The following PTPRM variants were observed in gnomAD, a reference collection of about 807,000 sequenced individuals.
PTPRM encodes the protein protein tyrosine phosphatase receptor type M, also known as receptor-type tyrosine-protein phosphatase mu.
PTPRM carries 47 observed loss-of-function variants against 186.7 expected under a neutral mutation model. That is an observed-to-expected ratio of 0.25 (90% CI 0.20 to 0.32). PTPRM has a LOEUF of 0.32. Ranked by LOEUF, PTPRM falls within the 10% of genes least tolerant of loss-of-function variation. PTPRM has a pLI of 1.00. For synonymous variants in PTPRM, 668 were observed against 674.9 expected (o/e 0.99, Z 0.16); for missense variants, 1,494 against 1,865.0 (o/e 0.80, Z 3.66).
At chr18:7,778,472 A>G (rs955304550) in intron 2 of PTPRM, among the ~76,000 whole-genome samples, 8 of 151,192 alleles carry the variant, frequency 5.3e-5, no homozygotes, top group Non-Finnish European at 8.9e-5. Flanking sequence ...TTTTCTTTTT[A>G]TTTTTTTGAG....
At chr18:7,801,208 CACTT>C (rs754232342) in intron 2 of PTPRM, among the ~76,000 whole-genome samples, 8 of 145,092 alleles carry the variant, frequency 5.5e-5, no homozygotes, top group Non-Finnish European at 9.1e-5. Flanking sequence ...TTTGTAATAA[CACTT>C]AGCTTAAAAC....
intron 14 of PTPRM, among the ~76,000 whole-genome samples, chr18:8,159,056 A>T (rs1424111675): frequency 1.3e-5 from 2 of 152,134 alleles, no homozygotes; most frequent in African/African-American, 4.8e-5. Flanking sequence ...ATAAATCTAA[A>T]TTTCTTTTTA....
intron 2 of PTPRM, among the ~76,000 whole-genome samples, chr18:7,849,224 A>G (rs2046747004): frequency 6.6e-6 from 1 of 152,206 alleles, no homozygotes; most frequent in Non-Finnish European, 1.5e-5. Flanking sequence ...TCCTATGTCT[A>G]TGACTGCAGG....
intron 8 of PTPRM, among the ~76,000 whole-genome samples, chr18:8,074,772 T>C (rs1368586370): frequency 2.6e-5 from 4 of 152,208 alleles, no homozygotes; most frequent in Non-Finnish European, 5.9e-5. Context: ...TTATTGGGTT[T>C]TAATATTGTT....
At chr18:7,774,812 A>G (rs1170360925) in intron 2 of PTPRM, among the ~76,000 whole-genome samples, 3 of 152,252 alleles carry the variant, frequency 2.0e-5, no homozygotes, top group African/African-American at 7.2e-5. Flanking sequence ...GATGTGTTCC[A>G]CTGAACACCA....
chr18:8,024,077 G>A (rs2085406388), intron 7 of PTPRM, among the ~76,000 whole-genome samples: 1 of 152,046 alleles, frequency 6.6e-6, no homozygotes, highest in Admixed American at 6.6e-5. Context: ...AAACACGGAA[G>A]GTGCTATACT....
chr18:8,256,041 A>C (rs759289973), intron 19 of PTPRM, among the ~76,000 whole-genome samples: 12 of 152,182 alleles, frequency 7.9e-5, no homozygotes, highest in Non-Finnish European at 1.5e-4. Flanking sequence ...TTCTCATGAG[A>C]ATCTGGCAAA....
chr18:7,745,439 G>C (rs1479063754), intron 1 of PTPRM, among the ~76,000 whole-genome samples: 1 of 152,198 alleles, frequency 6.6e-6, no homozygotes, highest in Non-Finnish European at 1.5e-5. Flanking sequence ...TCAAAGAGCA[G>C]AGCTCTCAGA....
intron 1 of PTPRM, among the ~76,000 whole-genome samples, chr18:7,650,145 A>T (rs527879164): frequency 6.6e-6 from 1 of 152,200 alleles, no homozygotes; most frequent in South Asian, 2.1e-4. Context: ...TGGAGGGCTG[A>T]CTTTTTGTAT....
intron 7 of PTPRM, among the ~76,000 whole-genome samples, chr18:7,955,961 A>G (rs2053281303): frequency 1.3e-5 from 2 of 152,204 alleles, no homozygotes; most frequent in South Asian, 4.1e-4. Context: ...TTCTTAGATT[A>G]TAAATTTCTA....
intron 23 of PTPRM, among the ~76,000 whole-genome samples, chr18:8,346,894 G>A (rs1032882155): frequency 7.2e-5 from 11 of 152,046 alleles, no homozygotes; most frequent in African/African-American, 2.7e-4. Context: ...TCCAGGCCCA[G>A]GGCCCTGAGC....
At position 7,991,390 on chromosome 18, in the gene PTPRM, G is replaced by C. The variant is rs142747270; in HGVS notation, c.1132+35976G>C. Among the ~76,000 whole-genome samples the C allele has an allele frequency of 3.5e-3, 535 of 152,210 alleles. 2 individuals carry two copies. The highest frequency in any genetic ancestry group is 4.8e-3 in the Non-Finnish European group (326 of 67,988). Reference sequence around the variant, plus strand: ...AAATGGCTTATGACTATAAAGAAAAGAAAGGAGAGAGAGAAGGAAAGCTAA... The same window carrying C: ...AAATGGCTTATGACTATAAAGAAAACAAAGGAGAGAGAGAAGGAAAGCTAA... On this transcript the variant is annotated intron_variant, in intron 7 of 32. Coordinates refer to ENST00000580170, the MANE Select transcript of PTPRM (RefSeq NM_001105244.2).
intron 2 of PTPRM, among the ~76,000 whole-genome samples, chr18:7,825,344 G>A (rs565998865): frequency 4.6e-5 from 7 of 152,152 alleles, no homozygotes; most frequent in East Asian, 3.9e-4. Flanking sequence ...CTTAGACTTC[G>A]CTATTTAATA....
chr18:8,397,758 G>A (rs1466192400), intron 32 of PTPRM, among the ~76,000 whole-genome samples: 1 of 152,168 alleles, frequency 6.6e-6, no homozygotes, highest in Non-Finnish European at 1.5e-5. Context: ...GCTGCTTCAC[G>A]CTGGCAGCTC....
chr18:8,155,614 G>A (rs535114025), intron 14 of PTPRM, among the ~76,000 whole-genome samples: 1 of 152,256 alleles, frequency 6.6e-6, no homozygotes, highest in South Asian at 2.1e-4. Context: ...AACAATGCTA[G>A]CACTACCAAG....
At chr18:7,780,482 G>A (rs2042802093) in intron 2 of PTPRM, among the ~76,000 whole-genome samples, 1 of 152,152 alleles carries the variant, frequency 6.6e-6, no homozygotes, top group African/African-American at 2.4e-5. Flanking sequence ...GTTGACCATG[G>A]GTCTACATGC....
intron 1 of PTPRM, among the ~76,000 whole-genome samples, chr18:7,627,486 A>G (rs1394586673): frequency 6.6e-6 from 1 of 152,138 alleles, no homozygotes; most frequent in African/African-American, 2.4e-5. Flanking sequence ...TCTTTGGGGT[A>G]AAGGTCTTTA....
At chr18:7,619,006 C>T (rs1048273037) in intron 1 of PTPRM, among the ~76,000 whole-genome samples, 2 of 152,086 alleles carry the variant, frequency 1.3e-5, no homozygotes, top group Non-Finnish European at 2.9e-5. Flanking sequence ...AGTCCCCGGG[C>T]TCTCGGAGGA....
At chr18:8,006,157 G>A (rs2084173726) in intron 7 of PTPRM, among the ~76,000 whole-genome samples, 1 of 152,220 alleles carries the variant, frequency 6.6e-6, no homozygotes, top group African/African-American at 2.4e-5. Flanking sequence ...GTTGTGGTTA[G>A]TAATTAAGAT....
Sources: allele counts gnomAD v4.1 joint callset (sites outside exome capture counted in the v4.1 genomes callset), GRCh38; gene constraint gnomAD v4.1.1; transcripts MANE v1.5; gene names NCBI Gene and HGNC (gene_info 2026-07-23, HGNC 2026-07-21).